The following ARHGAP42 variants were observed in gnomAD, a reference collection of about 807,000 sequenced individuals.
ARHGAP42 encodes the protein rho GTPase-activating protein 42.
In ARHGAP42, 63 loss-of-function variants were observed where a neutral mutation model predicts 125.0. That is an observed-to-expected ratio of 0.50 (90% CI 0.41 to 0.62). The LOEUF (loss-of-function observed/expected upper bound fraction) is 0.62, where lower values mean the gene tolerates loss of function less well. Among genes scored for constraint, ARHGAP42 ranks in the 20% least tolerant of loss-of-function variants. The probability of loss-of-function intolerance (pLI) is 0.00; values close to 1 mark genes in which losing one functional copy is unlikely to be tolerated. For missense variants in ARHGAP42, 766 were observed against 1,024.2 expected (o/e 0.75, Z 3.44); for synonymous variants, 339 against 351.0 (o/e 0.97, Z 0.38).
intron 1 of ARHGAP42, among the ~76,000 whole-genome samples, chr11:100,695,533 G>A (rs1274892695): frequency 1.3e-5 from 2 of 152,114 alleles, no homozygotes; most frequent in East Asian, 3.9e-4. Context: ...TCAAACTCCT[G>A]ACCTCAGGCA....
chr11:100,933,352 G>A, intron 7 of ARHGAP42, 92 bp downstream of exon 7: 11 of 908,408 alleles, frequency 1.2e-5, no homozygotes, highest in South Asian at 8.4e-5. Flanking sequence ...AGCTGCTAGT[G>A]GAAAATACAA....
intron 1 of ARHGAP42, among the ~76,000 whole-genome samples, chr11:100,709,639 C>T (rs1298818408): frequency 6.6e-6 from 1 of 152,126 alleles, no homozygotes; most frequent in Non-Finnish European, 1.5e-5. Context: ...AGCATTTATA[C>T]CACTATATGG....
intron 4 of ARHGAP42, among the ~76,000 whole-genome samples, chr11:100,869,610 G>T (rs1468723870): frequency 6.6e-6 from 1 of 152,096 alleles, no homozygotes; most frequent in Non-Finnish European, 1.5e-5. Flanking sequence ...GGAGACTGAG[G>T]CAGGAGAATC....
Position 100,928,933 on chromosome 11 carries a change from G to A in ARHGAP42, c.598-4223G>A, listed in dbSNP as rs374146262. Reference sequence around the variant, plus strand: ...GTTTTCGAGGTTCATCCATCTGAAAGCATGCATCAATACTTCATTTCCCTT... The same window carrying A: ...GTTTTCGAGGTTCATCCATCTGAAAACATGCATCAATACTTCATTTCCCTT... On this transcript the variant is annotated intron_variant, in intron 6 of 23. Transcript: ENST00000298815. Among the ~76,000 whole-genome samples, 72 of 152,270 alleles carry A rather than the reference G, an allele frequency of 4.7e-4. 1 individual carries two copies. The East Asian group carries it at 0.012, about 25-fold the overall frequency.
chr11:100,906,454 T>G (rs531960586), intron 4 of ARHGAP42, among the ~76,000 whole-genome samples: 1 of 152,222 alleles, frequency 6.6e-6, no homozygotes, highest in Admixed American at 6.5e-5. Flanking sequence ...AGCTCCATTT[T>G]CTTATGGGTT....
chr11:100,795,136 C>T lies in ARHGAP42; in HGVS notation c.282C>T (p.Leu94=). 6.5e-7 allele frequency: 1 copy of T among 1,545,902 alleles called. No individual in the cohort carries two copies. Among genetic ancestry groups the T allele is most frequent in the Non-Finnish European group, 8.7e-7 (1 of 1,144,536 alleles). Residue 94 remains leucine, a synonymous_variant, in exon 3 of 24, where the codon CTC becomes CTT. Transcript: ENST00000298815. ...AQSLKEFARL[L]IAVEEERRRL... ...CACTAAAAGAATTTGCAAGACTACT[C>T]ATTGCAGTAGAAGAAGAAAGGCGAA...
In ARHGAP42 at chr11:100,943,881, CT is replaced by C. The variant is rs778585940; in HGVS notation, c.1043+17del. 6.8e-7 allele frequency: 1 copy of C among 1,471,190 alleles called. No homozygotes were observed. Among genetic ancestry groups the C allele is most frequent in the South Asian group, 1.3e-5 (1 of 78,248 alleles). 91.1% of individuals were successfully genotyped at this position (1,471,190 alleles called of 1,614,324 possible). A position where few individuals can be genotyped will look rare whatever the true frequency, so the allele number is the denominator to read the frequency against. Reference sequence around the variant, plus strand: ...AAGTAGTTGAAAGGTTTGAGCTGTTCTTTTCACTTTATTTTTTTCATAAGCT... The same window carrying C: ...AAGTAGTTGAAAGGTTTGAGCTGTTCTTTCACTTTATTTTTTTCATAAGCT... On this transcript the variant is annotated intron_variant, in intron 10 of 23. Coordinates refer to ENST00000298815, the MANE Select transcript of ARHGAP42 (RefSeq NM_152432.4).
chr11:100,992,646 A>G lies in ARHGAP42; in HGVS notation c.*3845A>G. ...GTCACCGTTATCCCCCTGCTTCAAA[A>G]TGTGCCAGTTCCACTTGGTAATAAC... On this transcript the variant is annotated 3_prime_UTR_variant, in exon 24 of 24. Transcript: ENST00000298815. 1 of 1,612,392 alleles carries G rather than the reference A, an allele frequency of 6.2e-7. No individual in the cohort carries two copies. Among genetic ancestry groups the G allele is most frequent in the Non-Finnish European group, 8.5e-7 (1 of 1,179,176 alleles).
At chr11:100,747,982 C>G (rs1378304615) in intron 1 of ARHGAP42, among the ~76,000 whole-genome samples, 1 of 149,956 alleles carries the variant, frequency 6.7e-6, no homozygotes, top group Non-Finnish European at 1.5e-5. Context: ...CTACCCCCCA[C>G]CCCCCTTTTT....
chr11:100,883,008 A>C (rs1865998041), intron 4 of ARHGAP42, among the ~76,000 whole-genome samples: 1 of 152,096 alleles, frequency 6.6e-6, no homozygotes, highest in South Asian at 2.1e-4. Context: ...AATCTTGCTA[A>C]TGTTCTATCA....
intron 3 of ARHGAP42, among the ~76,000 whole-genome samples, chr11:100,819,979 T>C (rs1864365132): frequency 6.6e-6 from 1 of 152,210 alleles, no homozygotes; most frequent in Non-Finnish European, 1.5e-5. Flanking sequence ...GAAATTTCTA[T>C]GATTTCTCAA....
At chr11:100,942,379 G>A (rs1024835811) in intron 9 of ARHGAP42, among the ~76,000 whole-genome samples, 10 of 152,262 alleles carry the variant, frequency 6.6e-5, no homozygotes, top group Admixed American at 2.0e-4. Context: ...TCATTTACCC[G>A]AAAAGTAAAT....
At chr11:100,874,905 G>A (rs1268314345) in intron 4 of ARHGAP42, among the ~76,000 whole-genome samples, 1 of 152,044 alleles carries the variant, frequency 6.6e-6, no homozygotes, top group Non-Finnish European at 1.5e-5. Context: ...TTACTTACCA[G>A]CTCAAAGCAC....
chr11:100,821,550 T>C (rs1490811639), intron 3 of ARHGAP42, among the ~76,000 whole-genome samples: 2 of 151,502 alleles, frequency 1.3e-5, no homozygotes, highest in African/African-American at 4.9e-5. Flanking sequence ...AAACATCCCT[T>C]GTATGCCTGG....
intron 12 of ARHGAP42, among the ~76,000 whole-genome samples, chr11:100,957,476 C>T (rs573833083): frequency 1.3e-5 from 2 of 152,174 alleles, no homozygotes; most frequent in South Asian, 2.1e-4. Flanking sequence ...CTCAGACATA[C>T]AGCAGTGATA....
intron 6 of ARHGAP42, among the ~76,000 whole-genome samples, chr11:100,930,400 A>C (rs989228413): frequency 6.6e-6 from 1 of 152,202 alleles, no homozygotes; most frequent in Non-Finnish European, 1.5e-5. Context: ...TCATAATGCA[A>C]TCTTCAATAA....
At chr11:100,941,943 T>A in intron 9 of ARHGAP42, 59 bp downstream of exon 9, 2 of 1,227,876 alleles carry the variant, frequency 1.6e-6, no homozygotes, top group Admixed American at 2.8e-5. Context: ...AGTAATGGAA[T>A]TAAAACAAAA....
chr11:100,819,374 GCAGGGA>G (rs1185692472), intron 3 of ARHGAP42, among the ~76,000 whole-genome samples: 2 of 152,090 alleles, frequency 1.3e-5, no homozygotes, highest in African/African-American at 4.8e-5. Context: ...AATAGAAATG[GCAGGGA>G]TAATAACTTA....
intron 1 of ARHGAP42, among the ~76,000 whole-genome samples, chr11:100,768,984 A>T (rs574822677): frequency 6.6e-6 from 1 of 152,200 alleles, no homozygotes; most frequent in African/African-American, 2.4e-5. Context: ...CCTAGATGGT[A>T]TAGCCTACTA....
Sources: gnomAD v4.1 joint callset for allele counts (sites outside exome capture counted in the v4.1 genomes callset) on GRCh38, gnomAD v4.1.1 for gene constraint, MANE v1.5 for transcripts, NCBI Gene and HGNC (gene_info 2026-07-23, HGNC 2026-07-21) for gene names.